The following NEBL variants were observed in gnomAD, a reference collection of about 807,000 sequenced individuals.
The protein encoded by NEBL is nebulette.
In NEBL, 122 loss-of-function variants were observed where a neutral mutation model predicts 140.2. That is an observed-to-expected ratio of 0.87 (90% CI 0.75 to 1.01). The LOEUF (loss-of-function observed/expected upper bound fraction) is 1.01. Among genes scored for constraint, NEBL ranks in the 50% least tolerant of loss-of-function variants. The pLI is 0.00. For missense variants in NEBL, 1,365 were observed against 1,231.3 expected (o/e 1.11, Z -1.62); for synonymous variants, 436 against 398.9 (o/e 1.09, Z -1.11).
At chr10:20,965,319 C>T (rs1326435260) in intron 3 of NEBL, among the ~76,000 whole-genome samples, 1 of 152,158 alleles carries the variant, frequency 6.6e-6, no homozygotes, top group African/African-American at 2.4e-5. Flanking sequence ...AATAGCGAGA[C>T]AAGGGGACGT....
chr10:21,151,475 G>A (rs1427214701), intron 2 of NEBL, among the ~76,000 whole-genome samples: 4 of 152,088 alleles, frequency 2.6e-5, no homozygotes, highest in African/African-American at 9.7e-5. Context: ...TCCTTTTCTA[G>A]CCCATTAGTG....
intron 2 of NEBL, chr10:21,146,272 T>C: frequency 7.9e-7 from 1 of 1,271,812 alleles, no homozygotes; most frequent in Non-Finnish European, 1.1e-6. Flanking sequence ...GGCAGCATCA[T>C]TTACATCACC....
intron 3 of NEBL, among the ~76,000 whole-genome samples, chr10:21,000,902 T>C (rs1837866305): frequency 6.6e-6 from 1 of 151,976 alleles, no homozygotes; most frequent in Non-Finnish European, 1.5e-5. Flanking sequence ...CACATTGGGA[T>C]TTAAGGGCAG....
At chr10:21,147,162 C>T (rs918820370) in intron 2 of NEBL, among the ~76,000 whole-genome samples, 4 of 152,162 alleles carry the variant, frequency 2.6e-5, no homozygotes, top group African/African-American at 9.7e-5. Flanking sequence ...TTTAGGACTA[C>T]ATCCACGCAC....
chr10:20,859,656 T>A, intron 8 of NEBL, 57 bp downstream of exon 8: 1 of 1,189,742 alleles, frequency 8.4e-7, no homozygotes, highest in Non-Finnish European at 1.2e-6. Flanking sequence ...CAGTCGATTC[T>A]AAAAAAAACA....
chr10:20,977,817 G>A (rs555354237), intron 3 of NEBL, among the ~76,000 whole-genome samples: 5 of 152,288 alleles, frequency 3.3e-5, no homozygotes, highest in African/African-American at 1.2e-4. Flanking sequence ...GCCAGGTTAT[G>A]AAGTACCACT....
At chr10:20,861,363 G>C (rs987109484) in intron 7 of NEBL, among the ~76,000 whole-genome samples, 2 of 152,110 alleles carry the variant, frequency 1.3e-5, no homozygotes, top group Admixed American at 1.3e-4. Flanking sequence ...ATTTTTAGCA[G>C]AGACAGGGTT....
chr10:21,219,552 G>C (rs1296478562), intron 3 of NEBL, among the ~76,000 whole-genome samples: 3 of 152,192 alleles, frequency 2.0e-5, no homozygotes, highest in Non-Finnish European at 2.9e-5. Context: ...TGTGATGCCT[G>C]TAGCCCAAGA....
At chr10:21,166,219 CAAAAAAAAAAAA>C (rs1170225891) in intron 2 of NEBL, among the ~76,000 whole-genome samples, 2 of 35,378 alleles carry the variant, frequency 5.7e-5, no homozygotes, top group Non-Finnish European at 6.2e-5. Context: ...GACTGTGTCT[CAAAAAAAAAAAA>C]AAAAAAAAAA....
rs189409086 is a variant in NEBL at position 20,916,448 on chromosome 10, T to C, written c.357+45224A>G. 1.1e-4 allele frequency among the ~76,000 whole-genome samples: 17 copies of C among 152,358 alleles called. No homozygotes were observed. The East Asian group carries it at 2.7e-3, about 24-fold the overall frequency. ...AAGGGTCTCACTCTGTTGCCCAGAC[T>C]GGAGTGCAGGTGCAGTGGCACGATC... On this transcript the variant is annotated intron_variant, in intron 4 of 6. Transcript: ENST00000417816.
At chr10:21,202,879 G>A (rs1841764492) in intron 3 of NEBL, among the ~76,000 whole-genome samples, 1 of 152,140 alleles carries the variant, frequency 6.6e-6, no homozygotes, top group Non-Finnish European at 1.5e-5. Context: ...TCTATACTAA[G>A]TACTAGTAGC....
At position 20,880,783 on chromosome 10, in the gene NEBL, C is replaced by A. The variant is rs769167750; in HGVS notation, c.480+11G>T. On this transcript the variant is annotated intron_variant, in intron 5 of 27. Coordinates refer to ENST00000377122, the MANE Select transcript of NEBL (RefSeq NM_006393.3). ...GTTCGCTAGAAAATCATGAGAAATG[C>A]GCTTCCTTACATTACTCTGGTGTTT... The A allele has an allele frequency of 1.9e-6, 3 of 1,580,864 alleles. No homozygotes were observed. The highest frequency in any genetic ancestry group is 2.2e-5 in the East Asian group (1 of 44,708).
At chr10:21,199,463 T>C (rs1841700583) in intron 3 of NEBL, among the ~76,000 whole-genome samples, 1 of 152,250 alleles carries the variant, frequency 6.6e-6, no homozygotes, top group African/African-American at 2.4e-5. Context: ...TCTTTGAATG[T>C]GGCATATCTG....
In NEBL at chr10:20,985,020, T is replaced by C. The variant is rs924749837; in HGVS notation, c.250-23241A>G. ...GTCACTGTCTCCTATCATCCCCAGA[T>C]GGGGCTGCCTAGTTGCAGGAAAATA... is the stretch of plus-strand genomic sequence containing the variant. On this transcript the variant is annotated intron_variant, in intron 3 of 6. Coordinates refer to the NEBL transcript ENST00000417816. 6.6e-5 allele frequency among the ~76,000 whole-genome samples: 10 copies of C among 152,192 alleles called. No homozygotes were observed. In the East Asian group the frequency reaches 1.7e-3, roughly 26 times the overall value.
upstream of NEBL, among the ~76,000 whole-genome samples, chr10:20,902,077 A>C (rs937853934): frequency 6.6e-6 from 1 of 152,078 alleles, no homozygotes; most frequent in Non-Finnish European, 1.5e-5. Flanking sequence ...AGCAACCTAA[A>C]CATGTGTCAC....
rs138426084 is a variant in NEBL at position 20,993,359 on chromosome 10, T to G, written c.249+26758A>C. On this transcript the variant is annotated intron_variant, in intron 3 of 6. Transcript: ENST00000417816. Reference sequence around the variant, plus strand: ...CAAGGATCTAAATGTAAAAGGAGCTTATTAATCCAAATGAAAATCTTACAA... The same window carrying G: ...CAAGGATCTAAATGTAAAAGGAGCTGATTAATCCAAATGAAAATCTTACAA... Among the ~76,000 whole-genome samples, 757 of 152,328 alleles carry G rather than the reference T, an allele frequency of 5.0e-3. 8 individuals carry two copies. The highest frequency in any genetic ancestry group is 0.017 in the African/African-American group (716 of 41,568).
chr10:21,060,663 A>C (rs190446444), intron 2 of NEBL, among the ~76,000 whole-genome samples: 65 of 151,924 alleles, frequency 4.3e-4, no homozygotes, highest in Middle Eastern at 6.8e-3. Flanking sequence ...TCTTCCCTGT[A>C]TGCAAAACTC....
chr10:21,144,008 C>T (rs1019061893), intron 2 of NEBL, among the ~76,000 whole-genome samples: 1 of 152,120 alleles, frequency 6.6e-6, no homozygotes, highest in Non-Finnish European at 1.5e-5. Flanking sequence ...CTGAAAACTC[C>T]AACAAGGAGA....
chr10:21,005,858 C>A (rs1838116474), intron 3 of NEBL, among the ~76,000 whole-genome samples: 1 of 147,014 alleles, frequency 6.8e-6, no homozygotes. Context: ...TTAAGTATTG[C>A]AATCTTTTTT....
Sources: allele counts gnomAD v4.1 joint callset (sites outside exome capture counted in the v4.1 genomes callset), GRCh38; gene constraint gnomAD v4.1.1; transcripts MANE v1.5; gene names NCBI Gene and HGNC (gene_info 2026-07-23, HGNC 2026-07-21).